TEX9: variants seen among roughly 807,000 people sequenced by gnomAD.
TEX9 encodes the protein testis expressed 9, also known as testis-expressed protein 9.
Under a neutral mutation model 59.6 loss-of-function variants are expected in TEX9, and 74 were observed. That is an observed-to-expected ratio of 1.24 (90% confidence interval 1.03 to 1.51). The LOEUF (loss-of-function observed/expected upper bound fraction) is 1.51. TEX9 is among the 40% of genes most tolerant of loss of function. The pLI is 0.00. For missense variants in TEX9, 522 were observed against 447.8 expected (o/e 1.17, Z -1.49); for synonymous variants, 186 against 152.2 (o/e 1.22, Z -1.64).
At chr15:56,416,887 C>G (rs2049712623) in intron 10 of TEX9, among the ~76,000 whole-genome samples, 1 of 151,718 alleles carries the variant, frequency 6.6e-6, no homozygotes, top group South Asian at 2.1e-4. Flanking sequence ...TTTTGGAGCT[C>G]ATTATTGGTC....
chr15:56,434,190 C>T (rs777819374), intron 12 of TEX9: 3 of 1,613,866 alleles, frequency 1.9e-6, no homozygotes, highest in East Asian at 4.5e-5. Context: ...TTCCACAGCC[C>T]TCCTGTGTTC....
At chr15:56,334,130 A>G (rs954505689) in intron 1 of TEX9, among the ~76,000 whole-genome samples, 3 of 152,174 alleles carry the variant, frequency 2.0e-5, no homozygotes, top group African/African-American at 7.2e-5. Context: ...TCAAAATACC[A>G]CGGACATTCT....
chr15:56,413,911 A>C (rs1415310144), intron 10 of TEX9, among the ~76,000 whole-genome samples: 1 of 151,730 alleles, frequency 6.6e-6, no homozygotes, highest in East Asian at 1.9e-4. Context: ...CGTCTGTGAG[A>C]TAGTTTGTTA....
At chr15:56,260,011 T>A (rs1161627929) in intron 1 of TEX9, among the ~76,000 whole-genome samples, 4 of 152,124 alleles carry the variant, frequency 2.6e-5, no homozygotes, top group African/African-American at 4.8e-5. Flanking sequence ...CCAATGATAT[T>A]GTTAATAGTA....
intron 1 of TEX9, among the ~76,000 whole-genome samples, chr15:56,353,173 A>G (rs1288001051): frequency 2.6e-5 from 4 of 152,162 alleles, no homozygotes; most frequent in Admixed American, 1.3e-4. Flanking sequence ...ATTGAACCCA[A>G]AGTTTGTCAA....
intron 2 of TEX9, among the ~76,000 whole-genome samples, chr15:56,368,744 C>A (rs1314418734): frequency 1.3e-5 from 2 of 152,068 alleles, no homozygotes; most frequent in Non-Finnish European, 2.9e-5. Flanking sequence ...TATCCATAAC[C>A]ATGTACACCC....
At chr15:56,434,087 C>A in intron 12 of TEX9, 1 of 1,559,312 alleles carries the variant, frequency 6.4e-7, no homozygotes, top group Non-Finnish European at 8.7e-7. Flanking sequence ...GATAGATGAG[C>A]TATTGCTGTT....
At chr15:56,247,237 G>C (rs1301155025) in intron 1 of TEX9, among the ~76,000 whole-genome samples, 1 of 152,042 alleles carries the variant, frequency 6.6e-6, no homozygotes, top group Non-Finnish European at 1.5e-5. Context: ...TAGCAGTATT[G>C]GGCACGGAAA....
At chr15:56,370,755 A>G (rs948876434) in intron 2 of TEX9, among the ~76,000 whole-genome samples, 1 of 152,190 alleles carries the variant, frequency 6.6e-6, no homozygotes, top group Non-Finnish European at 1.5e-5. Context: ...ATGTATACAC[A>G]GGTGGATTTG....
chr15:56,430,575 TA>T (rs200782486), intron 12 of TEX9, among the ~76,000 whole-genome samples: 1,895 of 152,222 alleles, frequency 0.012, 34 homozygotes, highest in Non-Finnish European at 0.017. Flanking sequence ...TCTGGAATTT[TA>T]AAAATCAAGT....
chr15:56,353,685 A>C (rs1480996716), intron 1 of TEX9, among the ~76,000 whole-genome samples: 9 of 152,240 alleles, frequency 5.9e-5, no homozygotes, highest in African/African-American at 1.9e-4. Flanking sequence ...TTAAAGTGAC[A>C]TACAGGAATA....
At chr15:56,358,887 C>T (rs914254829) in intron 1 of TEX9, among the ~76,000 whole-genome samples, 4 of 152,094 alleles carry the variant, frequency 2.6e-5, no homozygotes, top group Non-Finnish European at 4.4e-5. Context: ...CACGTACTTG[C>T]TCTCTCTCCT....
At chr15:56,376,632 G>A (rs912581899) in intron 3 of TEX9, among the ~76,000 whole-genome samples, 6 of 152,006 alleles carry the variant, frequency 3.9e-5, no homozygotes, top group Admixed American at 1.3e-4. Context: ...TTCCTATAGA[G>A]TTGTTTGAGC....
At chr15:56,340,377 T>A (rs1331412549) in intron 1 of TEX9, among the ~76,000 whole-genome samples, 1 of 152,212 alleles carries the variant, frequency 6.6e-6, no homozygotes, top group African/African-American at 2.4e-5. Flanking sequence ...CTAACAATCA[T>A]GATAATACAT....
At chr15:56,283,550 C>A (rs1356740547) in intron 1 of TEX9, among the ~76,000 whole-genome samples, 4 of 151,960 alleles carry the variant, frequency 2.6e-5, no homozygotes, top group African/African-American at 9.7e-5. Flanking sequence ...AATTGTTTAG[C>A]AATTTGGGGA....
At chr15:56,432,363 G>A (rs537328147) in intron 12 of TEX9, among the ~76,000 whole-genome samples, 1 of 152,308 alleles carries the variant, frequency 6.6e-6, no homozygotes, top group East Asian at 1.9e-4. Flanking sequence ...CTCCTGGGAA[G>A]TTTCAGATTT....
At chr15:56,406,644 A>G (rs1001244939) in intron 9 of TEX9, among the ~76,000 whole-genome samples, 2 of 152,118 alleles carry the variant, frequency 1.3e-5, no homozygotes, top group Non-Finnish European at 2.9e-5. Context: ...GCCATTCTAG[A>G]GGAGAAGTAG....
intron 1 of TEX9, among the ~76,000 whole-genome samples, chr15:56,322,390 A>G (rs2045922066): frequency 6.6e-6 from 1 of 152,196 alleles, no homozygotes; most frequent in East Asian, 1.9e-4. Flanking sequence ...ATTAGGGGGC[A>G]ATTATGGAAT....
At chr15:56,271,356 ACTT>A (rs1175034261) in intron 1 of TEX9, among the ~76,000 whole-genome samples, 1 of 151,694 alleles carries the variant, frequency 6.6e-6, no homozygotes, top group Non-Finnish European at 1.5e-5. Flanking sequence ...TTTTCTCTAA[ACTT>A]CTCTTCTCGC....
Sources: allele counts gnomAD v4.1 joint callset (sites outside exome capture counted in the v4.1 genomes callset), GRCh38; gene constraint gnomAD v4.1.1; transcripts MANE v1.5; gene names NCBI Gene and HGNC (gene_info 2026-07-23, HGNC 2026-07-21).